The following LUZP2 variants were observed in gnomAD, a reference collection of about 807,000 sequenced individuals.
LUZP2 encodes leucine zipper protein 2.
In LUZP2, 52 loss-of-function variants were observed where a neutral mutation model predicts 51.6. The observed-to-expected ratio is 1.01, with a 90% CI of 0.81 to 1.27. LUZP2 has a LOEUF of 1.27. Ranked by LOEUF, LUZP2 falls within the 50% of genes most tolerant of loss-of-function variation. The pLI is 0.00. For synonymous variants in LUZP2, 154 were observed against 137.3 expected (o/e 1.12, Z -0.85); for missense variants, 436 against 395.4 (o/e 1.10, Z -0.87).
intron 7 of LUZP2, among the ~76,000 whole-genome samples, chr11:24,925,455 A>T (rs1376910199): frequency 1.3e-5 from 2 of 152,206 alleles, no homozygotes; most frequent in Non-Finnish European, 2.9e-5. Flanking sequence ...TGCATAAGAA[A>T]CAAGAGAAAG....
rs571812715 is a variant in LUZP2 at position 24,556,886 on chromosome 11, T to C, written c.62+59581T>C. 3.9e-5 allele frequency among the ~76,000 whole-genome samples: 6 copies of C among 152,292 alleles called. No homozygotes were observed. In the East Asian group the frequency reaches 1.2e-3, roughly 29 times the overall value. ...CATAGGCTCTTTGGCCATATGGTAC[T>C]AATTTCACTTCCCTAAATCTTCCAC... is the stretch of plus-strand genomic sequence containing the variant. On this transcript the variant is annotated intron_variant, in intron 1 of 11. Coordinates refer to ENST00000336930, the MANE Select transcript of LUZP2 (RefSeq NM_001009909.4).
chr11:24,573,676 T>C (rs1852513285), intron 1 of LUZP2, among the ~76,000 whole-genome samples: 1 of 151,914 alleles, frequency 6.6e-6, no homozygotes, highest in Non-Finnish European at 1.5e-5. Flanking sequence ...CATTAAATAA[T>C]TCAGCATAAA....
At chr11:24,948,591 T>C (rs1854967498) in intron 7 of LUZP2, among the ~76,000 whole-genome samples, 1 of 151,712 alleles carries the variant, frequency 6.6e-6, no homozygotes, top group Admixed American at 6.6e-5. Flanking sequence ...TTATCATTGT[T>C]GTTGTTTTAC....
chr11:24,591,038 G>A (rs1853240021), intron 1 of LUZP2, among the ~76,000 whole-genome samples: 1 of 152,186 alleles, frequency 6.6e-6, no homozygotes, highest in Admixed American at 6.6e-5. Context: ...GAACCCAGGA[G>A]GTTGAGGTTA....
At chr11:24,538,697 A>G (rs1851261435) in intron 1 of LUZP2, among the ~76,000 whole-genome samples, 1 of 151,582 alleles carries the variant, frequency 6.6e-6, no homozygotes, top group Admixed American at 6.6e-5. Flanking sequence ...TTTCAAAAAA[A>G]TAAGTCCATT....
At chr11:25,020,122 T>C (rs1029961495) in intron 9 of LUZP2, among the ~76,000 whole-genome samples, 1 of 152,094 alleles carries the variant, frequency 6.6e-6, no homozygotes, top group East Asian at 1.9e-4. Flanking sequence ...CATTTTAACA[T>C]ATAAAAATGA....
At position 24,629,633 on chromosome 11, in the gene LUZP2, G is replaced by C. The variant is rs558897962; in HGVS notation, c.63-99536G>C. Among the ~76,000 whole-genome samples the C allele has an allele frequency of 2.7e-5, 4 of 148,694 alleles. No individual in the cohort carries two copies. In the South Asian group the frequency reaches 8.4e-4, roughly 31 times the overall value. On this transcript the variant is annotated intron_variant, in intron 1 of 11. Transcript: ENST00000336930. Reference sequence around the variant, plus strand: ...AGATTGATTCCATATCTTTGCTATTGTGAAGAGTGCCACAATAAACATAAA... The same window carrying C: ...AGATTGATTCCATATCTTTGCTATTCTGAAGAGTGCCACAATAAACATAAA...
At chr11:24,590,384 C>T (rs1298669043) in intron 1 of LUZP2, among the ~76,000 whole-genome samples, 3 of 152,042 alleles carry the variant, frequency 2.0e-5, no homozygotes, top group African/African-American at 4.8e-5. Flanking sequence ...GTTAGTTTAT[C>T]TATTACCTGA....
chr11:25,007,420 T>C (rs373706983), intron 9 of LUZP2, among the ~76,000 whole-genome samples: 2 of 152,102 alleles, frequency 1.3e-5, no homozygotes, highest in African/African-American at 4.8e-5. Context: ...CTGGCTAACA[T>C]GGTGAAACCC....
intron 9 of LUZP2, among the ~76,000 whole-genome samples, chr11:25,041,535 A>T (rs932023712): frequency 7.9e-5 from 12 of 152,328 alleles, no homozygotes; most frequent in Middle Eastern, 3.4e-3. Context: ...AAGACAATTA[A>T]ATAAAATGTT....
chr11:24,662,682 A>G (rs893623193), intron 1 of LUZP2, among the ~76,000 whole-genome samples: 7 of 152,100 alleles, frequency 4.6e-5, no homozygotes, highest in Non-Finnish European at 8.8e-5. Flanking sequence ...CAAGATGATG[A>G]TTATGACACA....
In LUZP2 at chr11:25,078,675, T is replaced by G. The variant is rs764150191; in HGVS notation, c.*17T>G. 6 of 1,556,942 alleles carry G rather than the reference T, an allele frequency of 3.9e-6. No individual in the cohort carries two copies. Among genetic ancestry groups the G allele is most frequent in the Non-Finnish European group, 5.3e-6 (6 of 1,138,728 alleles). On this transcript the variant is annotated 3_prime_UTR_variant, in exon 12 of 12. Coordinates refer to ENST00000336930, the MANE Select transcript of LUZP2 (RefSeq NM_001009909.4). ...ATACTGTAAATACTAAGAAACTGTG[T>G]TAAAAACGTCCATTTGCTATTGTCT...
chr11:24,750,967 C>T (rs1859559768), intron 4 of LUZP2, among the ~76,000 whole-genome samples: 2 of 152,052 alleles, frequency 1.3e-5, no homozygotes, highest in South Asian at 4.1e-4. Flanking sequence ...GGAAAGTGGC[C>T]ATGTCCGATG....
At chr11:24,522,796 G>A (rs1850685038) in intron 1 of LUZP2, among the ~76,000 whole-genome samples, 1 of 151,942 alleles carries the variant, frequency 6.6e-6, no homozygotes, top group Non-Finnish European at 1.5e-5. Flanking sequence ...GAATGACTAT[G>A]AATAAAAAAG....
chr11:24,945,138 G>A (rs1197179996), intron 7 of LUZP2, among the ~76,000 whole-genome samples: 1 of 152,102 alleles, frequency 6.6e-6, no homozygotes, highest in African/African-American at 2.4e-5. Flanking sequence ...CTATTTGCCA[G>A]TTCCAGAGAT....
chr11:24,583,879 ATT>A (rs35895335), intron 1 of LUZP2, among the ~76,000 whole-genome samples: 246 of 141,230 alleles, frequency 1.7e-3, no homozygotes, highest in Admixed American at 1.7e-3. Context: ...AATTTTTTGT[ATT>A]TTTTTTTTTT....
intron 5 of LUZP2, among the ~76,000 whole-genome samples, chr11:24,765,888 A>G (rs1164496305): frequency 2.0e-5 from 3 of 151,950 alleles, no homozygotes; most frequent in African/African-American, 7.3e-5. Flanking sequence ...GGCCTCCCAA[A>G]GTGCTGGGAT....
At chr11:24,706,294 G>A (rs577510639) in intron 1 of LUZP2, among the ~76,000 whole-genome samples, 34 of 152,206 alleles carry the variant, frequency 2.2e-4, no homozygotes, top group African/African-American at 6.5e-4. Context: ...CCAGGAGCTC[G>A]TTACTTATGT....
chr11:24,747,708 C>T (rs1565114882), intron 4 of LUZP2, among the ~76,000 whole-genome samples: 1 of 152,118 alleles, frequency 6.6e-6, no homozygotes, highest in Non-Finnish European at 1.5e-5. Context: ...TGAGCTCAGA[C>T]TCTCCTTGGG....
Sources: allele counts gnomAD v4.1 joint callset (sites outside exome capture counted in the v4.1 genomes callset), GRCh38; gene constraint gnomAD v4.1.1; transcripts MANE v1.5; gene names NCBI Gene and HGNC (gene_info 2026-07-23, HGNC 2026-07-21).